SEMA6D: variants seen among roughly 807,000 people sequenced by gnomAD.
The protein encoded by SEMA6D is semaphorin 6D.
SEMA6D carries 35 observed loss-of-function variants against 106.6 expected under a neutral mutation model. The ratio of observed to expected loss-of-function variants is 0.33; its 90% CI spans 0.25 to 0.44. SEMA6D has a LOEUF of 0.44. Ranked by LOEUF, SEMA6D falls within the 20% of genes least tolerant of loss-of-function variation. SEMA6D has a pLI of 1.00. For missense variants in SEMA6D, 1,185 were observed against 1,345.9 expected (o/e 0.88, Z 1.87); for synonymous variants, 499 against 487.7 (o/e 1.02, Z -0.31).
Position 47,525,900 on chromosome 15 carries a change from A to G in SEMA6D, c.-87+55355A>G, listed in dbSNP as rs567452866. Reference sequence around the variant, plus strand: ...AACAAAAACAAAACAAAACAAAAAAATAAAAAAACAAAGGCGAAACAAGTC... The same window carrying G: ...AACAAAAACAAAACAAAACAAAAAAGTAAAAAAACAAAGGCGAAACAAGTC... On this transcript the variant is annotated intron_variant, in intron 3 of 19. Coordinates refer to the SEMA6D transcript ENST00000558014. 3.3e-5 allele frequency among the ~76,000 whole-genome samples: 5 copies of G among 152,324 alleles called. No individual in the cohort carries two copies. The South Asian group carries it at 1.0e-3, about 32-fold the overall frequency.
chr15:47,323,253 C>T (rs2036996006), intron 1 of SEMA6D, among the ~76,000 whole-genome samples: 1 of 152,154 alleles, frequency 6.6e-6, no homozygotes, highest in African/African-American at 2.4e-5. Flanking sequence ...GCTCGGCGAG[C>T]AGGAGAGCTA....
At position 47,426,242 on chromosome 15, in the gene SEMA6D, C is replaced by T. The variant is rs113899615; in HGVS notation, c.-159+13770C>T. Among the ~76,000 whole-genome samples the T allele has an allele frequency of 8.6e-3, 1,302 of 152,066 alleles. 21 individuals are homozygous for T. Among genetic ancestry groups the T allele is most frequent in the African/African-American group, 0.03 (1,240 of 41,476 alleles). On this transcript the variant is annotated intron_variant, in intron 2 of 19. Transcript: ENST00000558014. ...CTACCTTTGAATGCCTAGGTTCAAGCGATACTCTTGCCTTAGCTTCATGTG... is the reference window on the plus strand; with the variant it reads ...CTACCTTTGAATGCCTAGGTTCAAGTGATACTCTTGCCTTAGCTTCATGTG...
At chr15:47,387,398 C>T (rs1030289432) in intron 1 of SEMA6D, among the ~76,000 whole-genome samples, 2 of 152,164 alleles carry the variant, frequency 1.3e-5, no homozygotes, top group Non-Finnish European at 2.9e-5. Flanking sequence ...AGATTCAACC[C>T]TGGATTTGCC....
chr15:47,295,644 A>C (rs2035774166), intron 1 of SEMA6D, among the ~76,000 whole-genome samples: 1 of 152,252 alleles, frequency 6.6e-6, no homozygotes, highest in African/African-American at 2.4e-5. Flanking sequence ...GTATTTAAAA[A>C]GAAAGATACA....
chr15:47,621,518 T>C (rs551146006), intron 4 of SEMA6D, among the ~76,000 whole-genome samples: 1 of 152,262 alleles, frequency 6.6e-6, no homozygotes, highest in South Asian at 2.1e-4. Context: ...TAGAGCCAGT[T>C]TGGGGCTATG....
chr15:47,704,959 A>T (rs1056555026), intron 4 of SEMA6D, among the ~76,000 whole-genome samples: 8 of 151,862 alleles, frequency 5.3e-5, no homozygotes, highest in Non-Finnish European at 1.0e-4. Flanking sequence ...AGTTTTTTTT[A>T]AAAAAGGTTC....
At chr15:47,729,561 G>A (rs8031898) in intron 1 of SEMA6D, among the ~76,000 whole-genome samples, 4,604 of 152,266 alleles carry the variant, frequency 0.03, 239 homozygotes, top group African/African-American at 0.11. Flanking sequence ...ACTGCCCCTT[G>A]GCAGATTGGA....
At chr15:47,188,433 G>T (rs1893719223) in intron 1 of SEMA6D, among the ~76,000 whole-genome samples, 1 of 152,112 alleles carries the variant, frequency 6.6e-6, no homozygotes, top group African/African-American at 2.4e-5. Context: ...GAAATGAGGA[G>T]ATATAAGACA....
intron 1 of SEMA6D, among the ~76,000 whole-genome samples, chr15:47,228,027 TTA>T (rs1334300405): frequency 7.0e-6 from 1 of 143,362 alleles, no homozygotes; most frequent in Non-Finnish European, 1.5e-5. Flanking sequence ...CATATATTTT[TTA>T]TATATATAAG....
chr15:47,741,052 T>C (rs545085736), intron 1 of SEMA6D, among the ~76,000 whole-genome samples: 2 of 152,352 alleles, frequency 1.3e-5, no homozygotes, highest in East Asian at 1.9e-4. Context: ...ATGATGCTTA[T>C]GTCTTAAAAT....
At chr15:47,393,640 T>G (rs540655090) in intron 1 of SEMA6D, among the ~76,000 whole-genome samples, 2 of 152,310 alleles carry the variant, frequency 1.3e-5, no homozygotes, top group South Asian at 4.1e-4. Context: ...TCATGGGATT[T>G]GTGTTACCAT....
chr15:47,504,277 A>G (rs2043960873), intron 3 of SEMA6D, among the ~76,000 whole-genome samples: 2 of 152,162 alleles, frequency 1.3e-5, no homozygotes, highest in African/African-American at 4.8e-5. Context: ...CCAGCCAGCC[A>G]GGACTCATCT....
rs1272348002 is a variant in SEMA6D at position 47,417,668 on chromosome 15, A to G, written c.-159+5196A>G. On this transcript the variant is annotated intron_variant, in intron 2 of 19. Coordinates refer to the SEMA6D transcript ENST00000558014. ...AGCTGTAGTGCCATATTGTCATGGC[A>G]CTACCATGACAACTGTTGTATCCTT... Among the ~76,000 whole-genome samples, 19 of 152,180 alleles carry G rather than the reference A, an allele frequency of 1.2e-4. 1 individual carries two copies. The South Asian group carries it at 3.3e-3, about 27-fold the overall frequency.
rs750467979 is a variant in SEMA6D at position 47,771,771 on chromosome 15, A to C, written c.3208A>C (p.Lys1070Gln). The C allele has an allele frequency of 1.3e-5, 21 of 1,613,058 alleles. No homozygotes were observed. The highest frequency in any genetic ancestry group is 1.0e-4 in the Admixed American group (6 of 59,976). The change falls in exon 19 of 19, where the codon AAA (lysine) becomes CAA (glutamine). Residue 1070 changes from lysine to glutamine, a missense_variant. Physicochemically the swap from Lys to Gln is moderately conservative, Grantham distance 53. Transcript: ENST00000536845. ...PQTPSVRPLN[K>Q]YTY ...AACCCCATCTGTCAGACCACTGAAC[A>C]AATACACATACTAGGCCTCAAGTGT...
chr15:47,392,483 G>A (rs4511474), intron 1 of SEMA6D, among the ~76,000 whole-genome samples: 74,377 of 151,862 alleles, frequency 0.49, 21,185 homozygotes, highest in African/African-American at 0.8. Flanking sequence ...ACAGATGTGA[G>A]TATGCTATGC....
chr15:47,540,366 G>A (rs1440411051), intron 3 of SEMA6D, among the ~76,000 whole-genome samples: 1 of 151,744 alleles, frequency 6.6e-6, no homozygotes, highest in Non-Finnish European at 1.5e-5. Context: ...ATGTGAGATA[G>A]CATTTCAAAA....
chr15:47,191,810 G>A (rs1427741564), intron 1 of SEMA6D, among the ~76,000 whole-genome samples: 1 of 152,124 alleles, frequency 6.6e-6, no homozygotes, highest in Non-Finnish European at 1.5e-5. Context: ...TAAAAGTCAG[G>A]TATAAATTTT....
chr15:47,490,488 T>C (rs1358067632), intron 3 of SEMA6D, among the ~76,000 whole-genome samples: 1 of 151,890 alleles, frequency 6.6e-6, no homozygotes, highest in African/African-American at 2.4e-5. Flanking sequence ...TACTAAAAAA[T>C]ATAAAAATTA....
intron 1 of SEMA6D, among the ~76,000 whole-genome samples, chr15:47,265,618 AT>A (rs1338413896): frequency 1.3e-5 from 2 of 151,022 alleles, no homozygotes; most frequent in African/African-American, 4.9e-5. Context: ...TTGTTAACTT[AT>A]TTTTCTTAGT....
Sources: gnomAD v4.1 joint callset for allele counts (sites outside exome capture counted in the v4.1 genomes callset) on GRCh38, gnomAD v4.1.1 for gene constraint, MANE v1.5 for transcripts, NCBI Gene and HGNC (gene_info 2026-07-23, HGNC 2026-07-21) for gene names.